Variants in PCDH15 observed in about 807,000 individuals in gnomAD.
The protein encoded by PCDH15 is protocadherin-15.
PCDH15 carries 129 observed loss-of-function variants against 178.5 expected under a neutral mutation model. The observed-to-expected ratio is 0.72, with a 90% CI of 0.63 to 0.84. The LOEUF is 0.84. Among genes scored for constraint, PCDH15 ranks in the 40% least tolerant of loss-of-function variants. PCDH15 has a pLI of 0.00. For synonymous variants in PCDH15, 800 were observed against 732.0 expected (o/e 1.09, Z -1.50); for missense variants, 2,230 against 2,099.9 (o/e 1.06, Z -1.21).
chr10:54,216,494 G>A (rs2052084866), intron 9 of PCDH15, among the ~76,000 whole-genome samples: 1 of 152,014 alleles, frequency 6.6e-6, no homozygotes, highest in Admixed American at 6.6e-5. Context: ...AGAAAAAACT[G>A]TTCACAGAAA....
chr10:54,853,287 G>GTATATATATATATATA (rs372294767), intron 3 of PCDH15, among the ~76,000 whole-genome samples: 6 of 56,560 alleles, frequency 1.1e-4, no homozygotes, highest in African/African-American at 2.8e-4. Context: ...GTATGTATGT[G>GTATATATATATATATA]TGTATATATA....
intron 3 of PCDH15, among the ~76,000 whole-genome samples, chr10:54,886,875 T>C (rs565756261): frequency 6.6e-6 from 1 of 152,364 alleles, no homozygotes; most frequent in East Asian, 1.9e-4. Flanking sequence ...TCCACATTTC[T>C]AACATAACAG....
At chr10:55,486,211 AG>A (rs1205939854) in intron 2 of PCDH15, among the ~76,000 whole-genome samples, 1 of 151,716 alleles carries the variant, frequency 6.6e-6, no homozygotes, top group African/African-American at 2.4e-5. Context: ...ACCAAACGTG[AG>A]GGTGATCCTG....
chr10:54,159,954 CATT>C (rs1009960968), intron 13 of PCDH15, among the ~76,000 whole-genome samples: 3 of 151,950 alleles, frequency 2.0e-5, no homozygotes, highest in African/African-American at 7.2e-5. Flanking sequence ...CAATTTTTTT[CATT>C]ATTAAGATGA....
intron 1 of PCDH15, among the ~76,000 whole-genome samples, chr10:54,668,353 T>G (rs1348610575): frequency 6.6e-6 from 1 of 152,196 alleles, no homozygotes; most frequent in Non-Finnish European, 1.5e-5. Context: ...ATATTGTCAC[T>G]TTACAATAAT....
At chr10:53,830,738 C>T (rs1163232392) in intron 30 of PCDH15, among the ~76,000 whole-genome samples, 1 of 152,178 alleles carries the variant, frequency 6.6e-6, no homozygotes, top group Non-Finnish European at 1.5e-5. Flanking sequence ...AGAGCCTGCA[C>T]AGCCAGAACA....
chr10:55,069,000 C>T (rs888538945), intron 2 of PCDH15, among the ~76,000 whole-genome samples: 7 of 151,776 alleles, frequency 4.6e-5, no homozygotes, highest in Admixed American at 1.3e-4. Flanking sequence ...TGGGTTCAAG[C>T]GATTCTTGTG....
At chr10:54,971,240 C>A (rs116519089) in intron 2 of PCDH15, among the ~76,000 whole-genome samples, 1 of 152,006 alleles carries the variant, frequency 6.6e-6, no homozygotes, top group Non-Finnish European at 1.5e-5. Context: ...AGAGGTGGGG[C>A]CTTGAGGAGG....
chr10:55,472,463 A>G (rs202206711), intron 2 of PCDH15, among the ~76,000 whole-genome samples: 4 of 115,842 alleles, frequency 3.5e-5, no homozygotes, highest in African/African-American at 1.0e-4. Context: ...GTTTTGAATT[A>G]GCTTTTTTTT....
chr10:54,806,688 G>T (rs370521943), intron 3 of PCDH15, among the ~76,000 whole-genome samples: 1 of 152,058 alleles, frequency 6.6e-6, no homozygotes, highest in African/African-American at 2.4e-5. Context: ...GTTTCACCAT[G>T]TTGGCCAGGA....
At chr10:55,539,315 A>T (rs1484736008) in intron 2 of PCDH15, among the ~76,000 whole-genome samples, 1 of 152,124 alleles carries the variant, frequency 6.6e-6, no homozygotes, top group Non-Finnish European at 1.5e-5. Context: ...TAATTATGGT[A>T]TTTACATTAA....
intron 29 of PCDH15, among the ~76,000 whole-genome samples, chr10:53,834,770 G>A (rs775553644): frequency 6.6e-6 from 1 of 152,086 alleles, no homozygotes; most frequent in Admixed American, 6.6e-5. Context: ...GTGTTATTCA[G>A]CATATAATTA....
At chr10:55,038,795 C>T (rs907518295) in intron 2 of PCDH15, among the ~76,000 whole-genome samples, 1 of 152,044 alleles carries the variant, frequency 6.6e-6, no homozygotes, top group Non-Finnish European at 1.5e-5. Flanking sequence ...TATTTCAAGG[C>T]TGGAAGCAGG....
intron 2 of PCDH15, among the ~76,000 whole-genome samples, chr10:55,339,258 A>G (rs1337293483): frequency 1.3e-5 from 2 of 151,558 alleles, no homozygotes; most frequent in Non-Finnish European, 2.9e-5. Context: ...GTGCCCAATA[A>G]ATACATACAA....
At chr10:55,042,610 C>T (rs1564742171) in intron 2 of PCDH15, among the ~76,000 whole-genome samples, 3 of 152,034 alleles carry the variant, frequency 2.0e-5, no homozygotes, top group Non-Finnish European at 2.9e-5. Context: ...ATTCAAAATA[C>T]ATTAGTGTTA....
intron 2 of PCDH15, among the ~76,000 whole-genome samples, chr10:54,616,873 A>G (rs2093175050): frequency 6.6e-6 from 1 of 152,100 alleles, no homozygotes; most frequent in African/African-American, 2.4e-5. Flanking sequence ...TTACAATAAA[A>G]TTAATAATTT....
intron 2 of PCDH15, among the ~76,000 whole-genome samples, chr10:55,113,819 C>T (rs1837566814): frequency 6.6e-6 from 1 of 152,170 alleles, no homozygotes; most frequent in South Asian, 2.1e-4. Flanking sequence ...CCCAAGATAG[C>T]CATCAGAGAG....
rs188780899 is a variant in PCDH15, at chr10:54,066,629, T to A, written c.2220+128A>T. On this transcript the variant is annotated intron_variant, in intron 18 of 37. Transcript: ENST00000644397. Reference sequence around the variant, plus strand: ...ATAGGATATGATTCATTTTTTAAAGTCTTGAAGAATATCCAGCACAGTCAT... The same window carrying A: ...ATAGGATATGATTCATTTTTTAAAGACTTGAAGAATATCCAGCACAGTCAT... 47 of 824,582 alleles carry A rather than the reference T, an allele frequency of 5.7e-5. No individual in the cohort carries two copies. In the Admixed American group the frequency reaches 1.1e-3, roughly 19 times the overall value. The allele number at this position is 824,582 out of a possible 1,614,324, so 51.1% of individuals were successfully genotyped here.
intron 2 of PCDH15, among the ~76,000 whole-genome samples, chr10:55,374,026 A>C (rs916827101): frequency 3.3e-5 from 5 of 151,624 alleles, no homozygotes; most frequent in African/African-American, 7.3e-5. Context: ...ACCACCATGC[A>C]TGTGTATACC....
Sources: gnomAD v4.1 joint callset for allele counts (sites outside exome capture counted in the v4.1 genomes callset) on GRCh38, gnomAD v4.1.1 for gene constraint, MANE v1.5 for transcripts, NCBI Gene and HGNC (gene_info 2026-07-23, HGNC 2026-07-21) for gene names.